Variants in SMCHD1 observed in about 807,000 individuals in gnomAD.
SMCHD1 encodes the protein structural maintenance of chromosomes flexible hinge domain-containing protein 1.
A neutral mutation model predicts 254.7 loss-of-function variants in SMCHD1; 78 were observed. The observed-to-expected ratio is 0.31, with a 90% CI of 0.26 to 0.37. The LOEUF (loss-of-function observed/expected upper bound fraction) is 0.37, where lower values mean the gene tolerates loss of function less well. Ranked by LOEUF, SMCHD1 falls within the 10% of genes least tolerant of loss-of-function variation. The pLI, the probability that SMCHD1 is intolerant of heterozygous loss-of-function variation, is 1.00. For missense variants in SMCHD1, 1,840 were observed against 2,408.1 expected, an observed-to-expected ratio of 0.76 and a Z score of 4.94; for synonymous variants, 766 against 794.9, an observed-to-expected ratio of 0.96 and a Z score of 0.61.
chr18:2,767,899 G>T (rs2075899334), intron 37 of SMCHD1, among the ~76,000 whole-genome samples: 1 of 151,904 alleles, frequency 6.6e-6, no homozygotes, highest in Non-Finnish European at 1.5e-5. Context: ...AGCATAACCT[G>T]TTTCTCCTAG....
At chr18:2,731,051 C>T (rs972427026) in intron 24 of SMCHD1, among the ~76,000 whole-genome samples, 1 of 152,158 alleles carries the variant, frequency 6.6e-6, no homozygotes, top group African/African-American at 2.4e-5. Context: ...CAAATGCCAA[C>T]GTAAATCCTC....
At chr18:2,731,482 C>A (rs1036078733) in intron 24 of SMCHD1, among the ~76,000 whole-genome samples, 3 of 152,056 alleles carry the variant, frequency 2.0e-5, no homozygotes, top group Admixed American at 6.5e-5. Flanking sequence ...TAGAGGCCTT[C>A]TCTGGCTATA....
chr18:2,671,504 T>C (rs923790205), intron 3 of SMCHD1, among the ~76,000 whole-genome samples: 1 of 139,348 alleles, frequency 7.2e-6, no homozygotes, highest in Non-Finnish European at 1.5e-5. Context: ...TTACAGTACA[T>C]TCCCGGGTCT....
intron 17 of SMCHD1, among the ~76,000 whole-genome samples, chr18:2,713,221 C>T (rs974435586): frequency 1.3e-5 from 2 of 152,164 alleles, no homozygotes; most frequent in Non-Finnish European, 2.9e-5. Context: ...ATGATGTTTT[C>T]TTTACCCTTT....
chr18:2,784,467 C>G lies in SMCHD1; in HGVS notation c.5565C>G (p.His1855Gln). 6.2e-7 allele frequency: 1 copy of G among 1,609,600 alleles called. No homozygotes were observed. Among genetic ancestry groups the G allele is most frequent in the East Asian group, 2.2e-5 (1 of 44,698 alleles). ...HYRKEVVKIT[H>Q]CPTLLTRDGD... is the part of the protein sequence containing the mutation. ...TACAATAGGTTGTTAAAATTACACA[C>G]TGTCCTACACTGCTGACCAGAGATG... Residue 1855 changes from histidine (H) to glutamine (Q), a missense_variant, in exon 45 of 48, where the codon CAC (histidine) becomes CAG (glutamine). Transcript: ENST00000320876.
At chr18:2,758,934 T>C (rs1285690988) in intron 34 of SMCHD1, among the ~76,000 whole-genome samples, 2 of 152,148 alleles carry the variant, frequency 1.3e-5, no homozygotes, top group Admixed American at 6.5e-5. Flanking sequence ...TTCTTTTACC[T>C]CTCTTCCTTC....
rs183822895 is a variant in SMCHD1 at position 2,721,758 on chromosome 18, T to C, written c.2459-761T>C. ...TGAAACTGCTTCTCTAATTTTTAGA[T>C]TGTGTACCTCTTCTAGCCATTATTG... is the stretch of plus-strand genomic sequence containing the variant. On this transcript the variant is annotated intron_variant, in intron 19 of 47. Transcript: ENST00000320876. 3.0e-4 allele frequency among the ~76,000 whole-genome samples: 45 copies of C among 152,356 alleles called. 1 individual carries two copies. The East Asian group carries it at 7.3e-3, about 25-fold the overall frequency.
chr18:2,711,947 T>G (rs2074686477), intron 17 of SMCHD1, among the ~76,000 whole-genome samples: 1 of 152,172 alleles, frequency 6.6e-6, no homozygotes, highest in South Asian at 2.1e-4. Context: ...CACCCCTCTT[T>G]TGCCATATGA....
At position 2,748,380 on chromosome 18, in the gene SMCHD1, G is replaced by GTATA. The variant is rs200345949; in HGVS notation, c.3927+734_3927+735insATAT. On this transcript the variant is annotated intron_variant, in intron 30 of 47. Transcript: ENST00000320876. ...TGTGTGTGTGTGTGTGTGTGTGTGTGTGTATATAAATTTTTTTTTTTTTTT... is the reference window on the plus strand; with the variant it reads ...TGTGTGTGTGTGTGTGTGTGTGTGTGTATATGTATATAAATTTTTTTTTTTTTTT... 9.1e-3 allele frequency among the ~76,000 whole-genome samples: 728 copies of GTATA among 80,250 alleles called. 96 individuals are homozygous for GTATA. Among genetic ancestry groups the GTATA allele is most frequent in the African/African-American group, 0.035 (511 of 14,562 alleles). The allele number at this position is 80,250 out of a possible 152,430, so 52.6% of individuals were successfully genotyped here. A position where few individuals can be genotyped will look rare whatever the true frequency, so the allele number is the denominator to read the frequency against.
chr18:2,745,840 T>C (rs374804831), intron 29 of SMCHD1, among the ~76,000 whole-genome samples: 1 of 152,310 alleles, frequency 6.6e-6, no homozygotes, highest in Non-Finnish European at 1.5e-5. Context: ...TCTTGAGATA[T>C]GGTTATATAT....
At chr18:2,772,500 G>C in intron 41 of SMCHD1, 128 bp downstream of exon 41, 1 of 726,004 alleles carries the variant, frequency 1.4e-6, no homozygotes. Context: ...TAAAGTACCT[G>C]CTCTCATTAT....
intron 26 of SMCHD1, among the ~76,000 whole-genome samples, 154 bp downstream of exon 26, chr18:2,738,699 A>G (rs907106989): frequency 6.6e-6 from 1 of 152,198 alleles, no homozygotes; most frequent in African/African-American, 2.4e-5. Flanking sequence ...GATAGCGATT[A>G]ATTTTTGTTA....
chr18:2,717,704 G>A (rs1568223139), intron 17 of SMCHD1, among the ~76,000 whole-genome samples: 1 of 152,110 alleles, frequency 6.6e-6, no homozygotes, highest in Non-Finnish European at 1.5e-5. Flanking sequence ...AAGTGGGTAA[G>A]GTTGACTGCT....
chr18:2,793,459 C>A (rs972187910), intron 45 of SMCHD1, among the ~76,000 whole-genome samples: 5 of 151,726 alleles, frequency 3.3e-5, no homozygotes, highest in African/African-American at 1.2e-4. Context: ...GTCAGGAGAT[C>A]AAGACCATCC....
intron 28 of SMCHD1, among the ~76,000 whole-genome samples, chr18:2,742,159 T>C (rs538899627): frequency 2.2e-4 from 33 of 152,330 alleles, no homozygotes; most frequent in Admixed American, 1.3e-3. Context: ...TGCCTTAGTA[T>C]GGCCTGTAAT....
chr18:2,678,404 G>A (rs1379274438), intron 5 of SMCHD1, among the ~76,000 whole-genome samples: 3 of 151,136 alleles, frequency 2.0e-5, no homozygotes, highest in East Asian at 1.9e-4. Context: ...GGGTTCCAGC[G>A]ATTCTCCTGC....
chr18:2,689,168 T>C (rs1463829926), intron 7 of SMCHD1, among the ~76,000 whole-genome samples: 1 of 152,032 alleles, frequency 6.6e-6, no homozygotes, highest in Non-Finnish European at 1.5e-5. Flanking sequence ...GTAAATGGTA[T>C]ATTTATTGTA....
chr18:2,759,571 C>CTCTTTTTTT (rs1204847128), intron 34 of SMCHD1, among the ~76,000 whole-genome samples: 3 of 69,520 alleles, frequency 4.3e-5, no homozygotes, highest in African/African-American at 5.6e-5. Flanking sequence ...TTAATTCTCT[C>CTCTTTTTTT]TTTTTTTTTT....
rs575046640 is a variant in SMCHD1, at chr18:2,729,340, A to C, written c.2979A>C (p.Leu993Phe). 6.4e-7 allele frequency: 1 copy of C among 1,561,100 alleles called. No homozygotes were observed. The highest frequency in any genetic ancestry group is 8.7e-7 in the Non-Finnish European group (1 of 1,152,616). ...GCAGTAGTTCTGGAACCAGTATTTT[A>C]ACAGGATCTGCAATTCAAGTTCAGA... ...VDCSSSGTSI[L>F]TGSAIQVQNI... is the part of the protein sequence containing the mutation. The change falls in exon 24 of 48, where the codon TTA becomes TTC. Residue 993 changes from leucine to phenylalanine, a missense_variant. Coordinates refer to ENST00000320876, the MANE Select transcript of SMCHD1 (RefSeq NM_015295.3).
Sources: allele counts gnomAD v4.1 joint callset (sites outside exome capture counted in the v4.1 genomes callset), GRCh38; gene constraint gnomAD v4.1.1; transcripts MANE v1.5; gene names NCBI Gene and HGNC (gene_info 2026-07-23, HGNC 2026-07-21).